MACROD1: variants seen among roughly 807,000 people sequenced by gnomAD.
MACROD1 encodes the protein mono-ADP ribosylhydrolase 1, also known as ADP-ribose glycohydrolase MACROD1.
In MACROD1, 31 loss-of-function variants were observed where a neutral mutation model predicts 41.4. The ratio of observed to expected loss-of-function variants is 0.75; its 90% CI spans 0.56 to 1.01. The LOEUF (loss-of-function observed/expected upper bound fraction) is 1.01, where lower values mean the gene tolerates loss of function less well. Among genes scored for constraint, MACROD1 ranks in the 50% least tolerant of loss-of-function variants. MACROD1 has a pLI of 0.00. For missense variants in MACROD1, 473 were observed against 460.0 expected (o/e 1.03, Z -0.26); for synonymous variants, 252 against 203.4 (o/e 1.24, Z -2.03).
intron 3 of MACROD1, among the ~76,000 whole-genome samples, chr11:64,027,425 G>C (rs1180917035): frequency 1.3e-5 from 2 of 152,218 alleles, no homozygotes; most frequent in Non-Finnish European, 2.9e-5. Context: ...GGCTGGGAGA[G>C]GCGGCATGAT....
At chr11:64,031,586 C>T (rs1403660130) in intron 3 of MACROD1, among the ~76,000 whole-genome samples, 1 of 148,058 alleles carries the variant, frequency 6.8e-6, no homozygotes, top group African/African-American at 2.5e-5. Flanking sequence ...TCAAGTGATT[C>T]TCCTGCCTCA....
chr11:64,109,740 G>T (rs958510150), intron 3 of MACROD1, among the ~76,000 whole-genome samples: 7 of 152,144 alleles, frequency 4.6e-5, no homozygotes, highest in Non-Finnish European at 1.0e-4. Context: ...AGCTCTGTGC[G>T]GCCCAGACAT....
chr11:64,077,849 C>CTTCA (rs1362909805), intron 3 of MACROD1, among the ~76,000 whole-genome samples: 1 of 152,230 alleles, frequency 6.6e-6, no homozygotes, highest in Non-Finnish European at 1.5e-5. Context: ...TATGGGTGGG[C>CTTCA]TTCAGGAGCC....
At position 64,126,052 on chromosome 11, in the gene MACROD1, G is replaced by A. The variant is rs1273269224; in HGVS notation, c.517+25187C>T. Among the ~76,000 whole-genome samples, 6 of 152,202 alleles carry A rather than the reference G, an allele frequency of 3.9e-5. No homozygotes were observed. The South Asian group carries it at 1.2e-3, about 32-fold the overall frequency. ...CTTGTGTGGAACGCAGGCTTGCAAT[G>A]TTCTGAGCCCACCTGTCCTCGGGCT... On this transcript the variant is annotated intron_variant, in intron 3 of 10. Transcript: ENST00000255681.
At position 64,166,027 on chromosome 11, in the gene MACROD1, T is replaced by G. The variant is rs376884330; in HGVS notation, c.-33A>C. The stretch of plus-strand genomic sequence containing the variant: ...CGGCGCGGGACGGCTCTCCGCCCAC[T>G]TGGACTCTATTTACGGCGCTCGGGA... On this transcript the variant is annotated 5_prime_UTR_variant, in exon 1 of 11. Transcript: ENST00000255681. The G allele has an allele frequency of 4.2e-5, 53 of 1,251,940 alleles. No homozygotes were observed. In the South Asian group the frequency reaches 6.9e-4, roughly 16 times the overall value. 77.6% of individuals were successfully genotyped at this position (1,251,940 alleles called of 1,614,324 possible).
rs534029040 is a variant in MACROD1, at chr11:64,077,997, G to A, written c.518-62716C>T. On this transcript the variant is annotated intron_variant, in intron 3 of 10. Coordinates refer to ENST00000255681, the MANE Select transcript of MACROD1 (RefSeq NM_014067.4). ...TTTCCCCTGCCTCCTCCTCAGCGGG[G>A]GTCCCAGACGCTCTCCCCGTGCCCA... Among the ~76,000 whole-genome samples, 7 of 152,300 alleles carry A rather than the reference G, an allele frequency of 4.6e-5. No individual in the cohort carries two copies. The South Asian group carries it at 1.4e-3, about 32-fold the overall frequency.
At chr11:64,114,478 G>A (rs1327284883) in intron 3 of MACROD1, among the ~76,000 whole-genome samples, 1 of 127,244 alleles carries the variant, frequency 7.9e-6, no homozygotes, top group Admixed American at 8.0e-5. Context: ...GATGGATGGA[G>A]GGATGGTTGA....
At chr11:64,124,246 C>T (rs1385914033) in intron 3 of MACROD1, among the ~76,000 whole-genome samples, 4 of 152,314 alleles carry the variant, frequency 2.6e-5, no homozygotes, top group South Asian at 2.1e-4. Flanking sequence ...TGACAGAGAG[C>T]GCCTCCCAGG....
intron 2 of MACROD1, among the ~76,000 whole-genome samples, chr11:64,151,894 C>T (rs559904809): frequency 6.6e-6 from 1 of 152,254 alleles, no homozygotes; most frequent in East Asian, 1.9e-4. Flanking sequence ...TTTGGGAGGC[C>T]GTGGCGGGCA....
At chr11:64,012,275 C>G (rs1943026654) in intron 4 of MACROD1, among the ~76,000 whole-genome samples, 1 of 152,242 alleles carries the variant, frequency 6.6e-6, no homozygotes, top group Non-Finnish European at 1.5e-5. Flanking sequence ...AGTGAGGTCA[C>G]AGGCCATCTG....
chr11:64,141,269 G>C (rs1014870698), intron 3 of MACROD1, among the ~76,000 whole-genome samples: 9 of 152,208 alleles, frequency 5.9e-5, no homozygotes. Flanking sequence ...CACCAGGCCC[G>C]GCCAGGACTC....
chr11:64,062,941 G>A (rs1011013045), intron 3 of MACROD1, among the ~76,000 whole-genome samples: 1 of 152,192 alleles, frequency 6.6e-6, no homozygotes, highest in South Asian at 2.1e-4. Context: ...AGCCACCTCC[G>A]TGCTCCAGCA....
intron 4 of MACROD1, among the ~76,000 whole-genome samples, chr11:64,007,111 G>T (rs1942925532): frequency 6.6e-6 from 1 of 152,196 alleles, no homozygotes; most frequent in Admixed American, 6.5e-5. Flanking sequence ...GCTCCCTGCA[G>T]CCTCCCTCTC....
At chr11:64,021,235 T>C (rs1200822121) in intron 3 of MACROD1, among the ~76,000 whole-genome samples, 1 of 152,198 alleles carries the variant, frequency 6.6e-6, no homozygotes, top group Non-Finnish European at 1.5e-5. Flanking sequence ...CCATGGGCCA[T>C]GCAGGGGAGC....
At chr11:64,117,216 C>T (rs1175527322) in intron 3 of MACROD1, 1 of 1,614,062 alleles carries the variant, frequency 6.2e-7, no homozygotes, top group Non-Finnish European at 8.5e-7. Context: ...GTTCGACGAC[C>T]TGGGGAACCT....
intron 3 of MACROD1, among the ~76,000 whole-genome samples, chr11:64,133,457 C>T (rs1047024009): frequency 1.7e-4 from 26 of 152,326 alleles, no homozygotes; most frequent in Middle Eastern, 3.4e-3. Flanking sequence ...GGCAGGAGGC[C>T]GAGCCAGATG....
At chr11:64,019,951 G>A (rs1283642401) in intron 3 of MACROD1, among the ~76,000 whole-genome samples, 1 of 152,186 alleles carries the variant, frequency 6.6e-6, no homozygotes, top group East Asian at 1.9e-4. Flanking sequence ...CTCACTGAGA[G>A]GGCAGCGCCA....
In MACROD1 at chr11:64,024,021, C is replaced by G. The variant is rs146806680; in HGVS notation, c.518-8740G>C. On this transcript the variant is annotated intron_variant, in intron 3 of 10. Transcript: ENST00000255681. ...TCTCACCCCAAGCTGTCCCCTAAAC[C>G]CCTGGCAACATGGAGGTCCCCCTCA... Among the ~76,000 whole-genome samples, 60 of 152,262 alleles carry G rather than the reference C, an allele frequency of 3.9e-4. 1 individual carries two copies. The East Asian group carries it at 5.6e-3, about 14-fold the overall frequency.
intron 1 of MACROD1, among the ~76,000 whole-genome samples, chr11:64,157,579 G>C (rs906734854): frequency 6.6e-6 from 1 of 152,342 alleles, no homozygotes; most frequent in African/African-American, 2.4e-5. Flanking sequence ...GATGTCCGCA[G>C]TAAATTTTGA....
Sources: allele counts gnomAD v4.1 joint callset (sites outside exome capture counted in the v4.1 genomes callset), GRCh38; gene constraint gnomAD v4.1.1; transcripts MANE v1.5; gene names NCBI Gene and HGNC (gene_info 2026-07-23, HGNC 2026-07-21).